ATRN: variants seen among roughly 807,000 people sequenced by gnomAD.
The protein encoded by ATRN is attractin-2.
ATRN carries 54 observed loss-of-function variants against 178.7 expected under a neutral mutation model. The observed-to-expected ratio is 0.30, with a 90% CI of 0.24 to 0.38. ATRN has a LOEUF of 0.38. Ranked by LOEUF, ATRN falls within the 10% of genes least tolerant of loss-of-function variation. ATRN has a pLI of 1.00. For missense variants in ATRN, 1,443 were observed against 1,815.1 expected, an observed-to-expected ratio of 0.79 and a Z score of 3.73; for synonymous variants, 636 against 663.0, an observed-to-expected ratio of 0.96 and a Z score of 0.63.
chr20:3,619,839 G>A (rs757514002), intron 24 of ATRN, among the ~76,000 whole-genome samples: 4 of 152,152 alleles, frequency 2.6e-5, no homozygotes, highest in Non-Finnish European at 4.4e-5. Context: ...TGCTGCGCCC[G>A]ATTCCCTGGC....
Position 3,584,751 on chromosome 20 carries a change from G to C in ATRN, c.3055G>C (p.Gly1019Arg). ...SNTGKGKCIEGSYKGPVKMPS... is the reference protein window; with the variant it reads ...SNTGKGKCIERSYKGPVKMPS... ...TACTGGCAAAGGGAAATGCATAGAG[G>C]GTTCCTATAAAGGACCAGTGAAGAT... The change falls in exon 18 of 29, where the codon GGT becomes CGT. Residue 1019 changes from glycine to arginine, a missense_variant. Coordinates refer to ENST00000262919, the MANE Select transcript of ATRN (RefSeq NM_139321.3). 6.2e-7 allele frequency: 1 copy of C among 1,614,040 alleles called. No individual in the cohort carries two copies. The highest frequency in any genetic ancestry group is 8.5e-7 in the Non-Finnish European group (1 of 1,179,994).
At position 3,620,337 on chromosome 20, in the gene ATRN, C is replaced by T. The variant is rs79228786; in HGVS notation, c.3802-4174C>T. 6.3e-3 allele frequency among the ~76,000 whole-genome samples: 963 copies of T among 152,282 alleles called. 7 individuals carry two copies. Among genetic ancestry groups the T allele is most frequent in the African/African-American group, 0.021 (889 of 41,544 alleles). On this transcript the variant is annotated intron_variant, in intron 24 of 28. Transcript: ENST00000262919. ...TTGGCTTACCGCAACCTCTCCACCT[C>T]CTGGGTTTGAGCAATTCTTGTGCCT...
rs1483322121 is a variant in ATRN at position 3,487,424 on chromosome 20, G to C, written c.410+15907G>C. Among the ~76,000 whole-genome samples the C allele has an allele frequency of 2.6e-5, 4 of 151,990 alleles. No individual in the cohort carries two copies. The South Asian group carries it at 6.2e-4, about 24-fold the overall frequency. On this transcript the variant is annotated intron_variant, in intron 1 of 28. Transcript: ENST00000262919. ...ATTTTTGTATTTTTAGTAGAGACAG[G>C]GTTTCACCATCTTGGCCAGGCTGGT...
chr20:3,565,276 C>A, intron 10 of ATRN, 72 bp from the exon 11 acceptor site: 1 of 1,175,218 alleles, frequency 8.5e-7, no homozygotes, highest in Non-Finnish European at 1.2e-6. Context: ...TAGTATTTTT[C>A]CCAAAGAAAA....
At chr20:3,535,025 CTTCTT>C (rs2085505168) in intron 1 of ATRN, among the ~76,000 whole-genome samples, 1 of 151,934 alleles carries the variant, frequency 6.6e-6, no homozygotes, top group Non-Finnish European at 1.5e-5. Context: ...ATTTTTCTGT[CTTCTT>C]TTTTAATGTA....
intron 3 of ATRN, 118 bp downstream of exon 3, chr20:3,540,453 A>G: frequency 1.5e-6 from 1 of 660,306 alleles, no homozygotes; most frequent in Non-Finnish European, 2.6e-6. Context: ...TATTTAATGG[A>G]AAGAATACTA....
At chr20:3,480,809 A>C (rs1334086079) in intron 1 of ATRN, among the ~76,000 whole-genome samples, 2 of 152,214 alleles carry the variant, frequency 1.3e-5, no homozygotes, top group African/African-American at 4.8e-5. Context: ...AAATGTGATT[A>C]AGTGATTTAA....
At chr20:3,610,613 C>T (rs2086749351) in intron 24 of ATRN, among the ~76,000 whole-genome samples, 1 of 143,942 alleles carries the variant, frequency 6.9e-6, no homozygotes, top group Non-Finnish European at 1.5e-5. Flanking sequence ...CACTTTGTCG[C>T]CCAGGCCAAA....
chr20:3,619,380 A>T (rs754291774), intron 24 of ATRN, among the ~76,000 whole-genome samples: 1 of 152,178 alleles, frequency 6.6e-6, no homozygotes, highest in Non-Finnish European at 1.5e-5. Flanking sequence ...TCTGGTATTG[A>T]CTTAGAAATG....
At chr20:3,628,034 C>T (rs943809054) in intron 25 of ATRN, among the ~76,000 whole-genome samples, 5 of 152,098 alleles carry the variant, frequency 3.3e-5, no homozygotes, top group East Asian at 1.9e-4. Flanking sequence ...TAGCCAGGCG[C>T]GGTGGTGGGC....
intron 1 of ATRN, among the ~76,000 whole-genome samples, chr20:3,506,295 A>G (rs1316629202): frequency 6.6e-6 from 1 of 152,176 alleles, no homozygotes; most frequent in Non-Finnish European, 1.5e-5. Flanking sequence ...CAGTTATTTA[A>G]GAAACAGACT....
chr20:3,626,634 C>G (rs1298650081), intron 25 of ATRN, among the ~76,000 whole-genome samples: 1 of 152,086 alleles, frequency 6.6e-6, no homozygotes, highest in Non-Finnish European at 1.5e-5. Context: ...TCACTGAGAA[C>G]AAGAGTTAAT....
chr20:3,570,577 A>G (rs1252002733), intron 11 of ATRN, among the ~76,000 whole-genome samples: 1 of 151,608 alleles, frequency 6.6e-6, no homozygotes, highest in Non-Finnish European at 1.5e-5. Context: ...AAAATATTTC[A>G]TGTGTTTTAA....
intron 16 of ATRN, 133 bp downstream of exon 16, chr20:3,582,487 G>A: frequency 1.2e-6 from 1 of 818,978 alleles, no homozygotes; most frequent in South Asian, 1.7e-5. Context: ...ATGCAAAGAA[G>A]AGTATAACCC....
At chr20:3,516,711 G>A (rs748512824) in intron 1 of ATRN, among the ~76,000 whole-genome samples, 3 of 152,112 alleles carry the variant, frequency 2.0e-5, no homozygotes, top group Non-Finnish European at 4.4e-5. Context: ...CCAGCCTGCT[G>A]CGGGGCCCTA....
intron 24 of ATRN, among the ~76,000 whole-genome samples, chr20:3,618,313 C>G (rs2086868996): frequency 6.6e-6 from 1 of 152,066 alleles, no homozygotes; most frequent in Non-Finnish European, 1.5e-5. Context: ...ATGGATAGAT[C>G]AGGAAATAAC....
At position 3,606,500 on chromosome 20, in the gene ATRN, C is replaced by G. The variant is rs571070446; in HGVS notation, c.3801+2238C>G. Among the ~76,000 whole-genome samples, 17 of 152,298 alleles carry G rather than the reference C, an allele frequency of 1.1e-4. 1 individual carries two copies. In the South Asian group the frequency reaches 3.3e-3, roughly 30 times the overall value. On this transcript the variant is annotated intron_variant, in intron 24 of 28. Transcript: ENST00000262919. Reference sequence around the variant, plus strand: ...TTCTGGTGATTCTCAGTGCTGTCTCCAGACCGGCACTGGCAGTTGCTGCCT... The same window carrying G: ...TTCTGGTGATTCTCAGTGCTGTCTCGAGACCGGCACTGGCAGTTGCTGCCT...
At position 3,587,827 on chromosome 20, in the gene ATRN, C is replaced by CTGTTTGTT. The variant is rs200507855; in HGVS notation, c.3184+2976_3184+2983dup. On this transcript the variant is annotated intron_variant, in intron 18 of 28. Coordinates refer to ENST00000262919, the MANE Select transcript of ATRN (RefSeq NM_139321.3). ...TACTGACCAATTTGGGGTGTATTGC[C>CTGTTTGTT]TGTTTGTTTGTTTGTTTGTTTGTTT... Among the ~76,000 whole-genome samples the CTGTTTGTT allele has an allele frequency of 3.9e-3, 592 of 151,056 alleles. 2 individuals are homozygous for CTGTTTGTT. Among genetic ancestry groups the CTGTTTGTT allele is most frequent in the African/African-American group, 0.012 (508 of 40,958 alleles).
At chr20:3,478,921 CTTTTTTTTTTTT>C (rs71331052) in intron 1 of ATRN, among the ~76,000 whole-genome samples, 8,923 of 126,048 alleles carry the variant, frequency 0.071, 323 homozygotes, top group African/African-American at 0.079. Flanking sequence ...AATTCATACC[CTTTTTTTTTTTT>C]TTTTTTTTGA....
Sources: gnomAD v4.1 joint callset for allele counts (sites outside exome capture counted in the v4.1 genomes callset) on GRCh38, gnomAD v4.1.1 for gene constraint, MANE v1.5 for transcripts, NCBI Gene and HGNC (gene_info 2026-07-23, HGNC 2026-07-21) for gene names.